HVCN1: variants seen among roughly 807,000 people sequenced by gnomAD.
The protein encoded by HVCN1 is hydrogen voltage gated channel 1.
HVCN1 carries 14 observed loss-of-function variants against 29.2 expected under a neutral mutation model. The ratio of observed to expected loss-of-function variants is 0.48; its 90% CI spans 0.32 to 0.75. The LOEUF is 0.75. Ranked by LOEUF, HVCN1 falls within the 30% of genes least tolerant of loss-of-function variation. The pLI is 0.04. For missense variants in HVCN1, 263 were observed against 341.8 expected (o/e 0.77, Z 1.82); for synonymous variants, 131 against 133.2 (o/e 0.98, Z 0.11).
chr12:110,677,866 C>T (rs982263824), intron 3 of HVCN1, among the ~76,000 whole-genome samples: 4 of 152,210 alleles, frequency 2.6e-5, no homozygotes, highest in African/African-American at 9.6e-5. Context: ...TAAAGCCATG[C>T]TCCCCAACTG....
chr12:110,688,914 C>T (rs2069306250), intron 1 of HVCN1, among the ~76,000 whole-genome samples, 166 bp downstream of exon 1: 1 of 152,110 alleles, frequency 6.6e-6, no homozygotes, highest in African/African-American at 2.4e-5. Context: ...ACGCCAGAGC[C>T]GAGGGCAACC....
At chr12:110,656,586 C>A (rs1037158111) in intron 4 of HVCN1, among the ~76,000 whole-genome samples, 2 of 152,190 alleles carry the variant, frequency 1.3e-5, no homozygotes, top group Non-Finnish European at 2.9e-5. Flanking sequence ...ACCCACCCCC[C>A]CGCCAGGGCC....
At chr12:110,691,587 G>C (rs1324716941), upstream of HVCN1, among the ~76,000 whole-genome samples, 1 of 152,142 alleles carries the variant, frequency 6.6e-6, no homozygotes, top group Admixed American at 6.6e-5. Flanking sequence ...ACTCCCCTCT[G>C]GTTGAGGAAG....
chr12:110,689,994 C>G (rs930393212), upstream of HVCN1, among the ~76,000 whole-genome samples: 1 of 152,206 alleles, frequency 6.6e-6, no homozygotes, highest in Non-Finnish European at 1.5e-5. The surrounding 1 kb of genome is among the most constrained non-coding windows in gnomAD (Gnocchi z 5.7). Flanking sequence ...TTAGTTTCCT[C>G]ATGCCGCTGT....
At position 110,650,220 on chromosome 12, in the gene HVCN1, T is replaced by C; in HGVS notation, c.704A>G (p.Asn235Ser). The C allele has an allele frequency of 3.7e-6, 6 of 1,613,692 alleles. No homozygotes were observed. Among genetic ancestry groups the C allele is most frequent in the Non-Finnish European group, 5.1e-6 (6 of 1,179,626 alleles). Residue 235 changes from asparagine to serine, a missense_variant, in exon 7 of 8, where the codon AAT becomes AGT. Asn to Ser is a conservative substitution (Grantham distance 46). Around this residue, in one of 3 missense-constraint regions of HVCN1, gnomAD observed 51 missense variants for 51.1 expected, o/e 1.00. Transcript: ENST00000242607. ...TTGAATCTTGGCGGCCAATTGTACA[T>C]TCATCTGTTTTAACCTTAAGAGTTG... ...ERQLLRLKQM[N>S]VQLAAKIQHL...
chr12:110,703,356 T>C (rs985115800), intron 1 of HVCN1, among the ~76,000 whole-genome samples: 1 of 151,134 alleles, frequency 6.6e-6, no homozygotes, highest in Non-Finnish European at 1.5e-5. Context: ...ACCACTGCCC[T>C]CCAGCTTAGA....
intron 3 of HVCN1, among the ~76,000 whole-genome samples, chr12:110,680,607 T>C (rs999365586): frequency 6.6e-6 from 1 of 152,196 alleles, no homozygotes; most frequent in Non-Finnish European, 1.5e-5. Flanking sequence ...CCTGTCTTTA[T>C]CTTTTACAAT....
At chr12:110,654,491 T>A (rs562181228) in intron 5 of HVCN1, among the ~76,000 whole-genome samples, 5 of 146,958 alleles carry the variant, frequency 3.4e-5, no homozygotes, top group Admixed American at 6.7e-5. Flanking sequence ...TTTTTTTTTT[T>A]CCTGGAGACG....
chr12:110,691,092 G>C (rs897358349), upstream of HVCN1, among the ~76,000 whole-genome samples: 5 of 150,266 alleles, frequency 3.3e-5, no homozygotes, highest in African/African-American at 1.2e-4. Context: ...AGGTGGAGTC[G>C]CGCTCTGTCA....
chr12:110,684,313 T>C (rs1480668705), intron 2 of HVCN1, among the ~76,000 whole-genome samples: 1 of 152,248 alleles, frequency 6.6e-6, no homozygotes, highest in Non-Finnish European at 1.5e-5. Context: ...TAAATGCCAC[T>C]GAATTATTCA....
chr12:110,687,091 G>A (rs2069211629), intron 2 of HVCN1, among the ~76,000 whole-genome samples: 2 of 152,136 alleles, frequency 1.3e-5, no homozygotes, highest in Admixed American at 6.5e-5. Flanking sequence ...CACATTGCCT[G>A]CAACTGTACA....
At chr12:110,660,682 C>A (rs1393773878) in intron 4 of HVCN1, among the ~76,000 whole-genome samples, 1 of 152,168 alleles carries the variant, frequency 6.6e-6, no homozygotes, top group Non-Finnish European at 1.5e-5. Flanking sequence ...AGAACATTTT[C>A]ATCTCCTCAA....
At chr12:110,677,033 G>A (rs111774149) in intron 3 of HVCN1, among the ~76,000 whole-genome samples, 236 of 152,060 alleles carry the variant, frequency 1.6e-3, no homozygotes, top group African/African-American at 3.5e-3. Context: ...GTGAGACTCC[G>A]TCTCTACAAA....
intron 4 of HVCN1, among the ~76,000 whole-genome samples, chr12:110,659,226 G>C (rs577285985): frequency 6.6e-6 from 1 of 152,198 alleles, no homozygotes; most frequent in South Asian, 2.1e-4. Context: ...TTTTACCCTG[G>C]AGTAAAGTCA....
At chr12:110,651,073 G>A (rs1474257168) in intron 6 of HVCN1, 144 bp downstream of exon 6, 9 of 627,426 alleles carry the variant, frequency 1.4e-5, no homozygotes, top group Non-Finnish European at 2.6e-5. Flanking sequence ...GAAGGGAGGA[G>A]AGGGAGGTGA....
intron 5 of HVCN1, among the ~76,000 whole-genome samples, chr12:110,654,027 G>A (rs2067903940): frequency 6.6e-6 from 1 of 152,104 alleles, no homozygotes; most frequent in East Asian, 1.9e-4. Flanking sequence ...GCGTCCGTGG[G>A]GATGTATAGT....
intron 2 of HVCN1, among the ~76,000 whole-genome samples, chr12:110,697,321 C>A (rs1410302140): frequency 6.6e-6 from 1 of 151,742 alleles, no homozygotes; most frequent in Non-Finnish European, 1.5e-5. Context: ...AGGGCCTGGG[C>A]AGGTGAGGAA....
chr12:110,703,773 C>T (rs988978912), intron 1 of HVCN1, among the ~76,000 whole-genome samples: 1 of 152,134 alleles, frequency 6.6e-6, no homozygotes, highest in Non-Finnish European at 1.5e-5. Context: ...CAACCTCTGC[C>T]TCCCAGGTTC....
intron 1 of HVCN1, among the ~76,000 whole-genome samples, chr12:110,703,381 C>T (rs2069580637): frequency 6.6e-6 from 1 of 150,656 alleles, no homozygotes; most frequent in Non-Finnish European, 1.5e-5. Flanking sequence ...AGAGTGAGAT[C>T]CTGACTCTAA....
Sources: gnomAD v4.1 joint callset for allele counts (sites outside exome capture counted in the v4.1 genomes callset) on GRCh38, gnomAD v4.1.1 for gene constraint, gnomAD v4.1.1 regional missense constraint, Gnocchi (gnomAD v3.1) non-coding constraint, MANE v1.5 for transcripts, NCBI Gene and HGNC (gene_info 2026-07-23, HGNC 2026-07-21) for gene names.